Variants in NR2C2 observed in about 807,000 individuals in gnomAD.
NR2C2 encodes the protein Nuclear hormone receptor TR4.
NR2C2 carries 6 observed loss-of-function variants against 62.9 expected under a neutral mutation model. The observed-to-expected ratio is 0.10, with a 90% CI of 0.05 to 0.19. The LOEUF (loss-of-function observed/expected upper bound fraction) is 0.19, where lower values mean the gene tolerates loss of function less well. Among genes scored for constraint, NR2C2 ranks in the 10% least tolerant of loss-of-function variants. The pLI is 1.00. For missense variants in NR2C2, 479 were observed against 762.7 expected (o/e 0.63, Z 4.38); for synonymous variants, 272 against 273.8 (o/e 0.99, Z 0.07).
At chr3:15,010,241 C>G in intron 2 of NR2C2, among the ~76,000 whole-genome samples, 1 of 151,756 alleles carries the variant, frequency 6.6e-6, no homozygotes, top group East Asian at 1.9e-4. Flanking sequence ...AATGGTCACC[C>G]TTGTGTTCCA....
chr3:14,974,916 C>T (rs144513561), intron 1 of NR2C2, among the ~76,000 whole-genome samples: 1 of 152,062 alleles, frequency 6.6e-6, no homozygotes, highest in African/African-American at 2.4e-5. Flanking sequence ...TGTATACTTA[C>T]GTTTTAAGTG....
rs746486112 is a variant in NR2C2, at chr3:15,045,082, CA to C, written c.*2075del. On this transcript the variant is annotated 3_prime_UTR_variant, in exon 14 of 14. Transcript: ENST00000425241. ...CAGTTTCAAAATTAAGACAAAAAAC[CA>C]GCTGAGACAATGGAATTAGGGCAGG... The C allele has an allele frequency of 6.6e-6, 1 of 152,108 alleles. No homozygotes were observed. Among genetic ancestry groups the C allele is most frequent in the Non-Finnish European group, 1.5e-5 (1 of 68,034 alleles). 9.4% of individuals were successfully genotyped at this position (152,108 alleles called of 1,614,324 possible). A position where few individuals can be genotyped will look rare whatever the true frequency, so the allele number is the denominator to read the frequency against.
intron 1 of NR2C2, among the ~76,000 whole-genome samples, chr3:14,988,176 C>G (rs1293523599): frequency 6.6e-6 from 1 of 152,258 alleles, no homozygotes; most frequent in African/African-American, 2.4e-5. Context: ...CAGAATCACA[C>G]TGCAGAGCCA....
At chr3:14,970,277 TG>T (rs1411954493) in intron 1 of NR2C2, among the ~76,000 whole-genome samples, 6 of 21,796 alleles carry the variant, frequency 2.8e-4, no homozygotes, top group Admixed American at 2.5e-3. Context: ...GGGTGGGGGG[TG>T]GGGGGGTGGT....
Position 15,024,215 on chromosome 3 carries a change from T to C in NR2C2, c.798+7T>C. The C allele has an allele frequency of 6.3e-7, 1 of 1,586,610 alleles. No homozygotes were observed. ...CCTGGCCACGGATTCTAAGGTGACG[T>C]TCTCTACTCATGCTCTCTCTCATCC... On this transcript the variant is annotated splice_region_variant and intron_variant, in intron 7 of 13. Transcript: ENST00000425241.
chr3:15,019,840 A>G (rs1290097918), intron 4 of NR2C2, among the ~76,000 whole-genome samples: 5 of 152,210 alleles, frequency 3.3e-5, no homozygotes, highest in African/African-American at 7.2e-5. Context: ...CTGGTGTTCT[A>G]TTGCACTGTA....
rs1575057101 is a variant in NR2C2 at position 15,045,305 on chromosome 3, A to C, written c.*2297A>C. The C allele has an allele frequency of 6.6e-6, 1 of 152,656 alleles. No individual in the cohort carries two copies. The allele number at this position is 152,656 out of a possible 1,614,324, so 9.5% of individuals were successfully genotyped here. On this transcript the variant is annotated 3_prime_UTR_variant, in exon 14 of 14. Transcript: ENST00000425241. ...TCTTGGTGTTGGTGAAAAGGTCTCCACCAGCCCCTCCTCTCATTCCCAGGT... is the reference window on the plus strand; with the variant it reads ...TCTTGGTGTTGGTGAAAAGGTCTCCCCCAGCCCCTCCTCTCATTCCCAGGT...
intron 1 of NR2C2, among the ~76,000 whole-genome samples, chr3:14,983,964 C>G (rs1388696892): frequency 6.6e-6 from 1 of 152,182 alleles, no homozygotes; most frequent in Non-Finnish European, 1.5e-5. Flanking sequence ...TCTTGGCTCA[C>G]TGCAACCTCC....
intron 1 of NR2C2, among the ~76,000 whole-genome samples, chr3:14,989,343 G>T (rs921000145): frequency 3.3e-5 from 5 of 152,178 alleles, no homozygotes; most frequent in African/African-American, 7.2e-5. Context: ...TCTGAGTCCA[G>T]AACTCAATCT....
intron 13 of NR2C2, among the ~76,000 whole-genome samples, chr3:15,039,972 A>C (rs2042209187): frequency 6.6e-6 from 1 of 151,634 alleles, no homozygotes; most frequent in Non-Finnish European, 1.5e-5. Context: ...AAGATGGTGA[A>C]ACCCCGTCTC....
intron 1 of NR2C2, among the ~76,000 whole-genome samples, chr3:14,989,970 C>T (rs2040623563): frequency 1.4e-5 from 2 of 146,750 alleles, no homozygotes; most frequent in Non-Finnish European, 3.0e-5. Context: ...GGTGTGGTGG[C>T]ACATACCTGT....
intron 1 of NR2C2, among the ~76,000 whole-genome samples, chr3:15,002,833 T>A (rs1196742844): frequency 6.6e-6 from 1 of 151,182 alleles, no homozygotes; most frequent in African/African-American, 2.4e-5. Context: ...TAATTTTGTA[T>A]TTTTAGTAGA....
chr3:14,987,013 T>G (rs1420367760), intron 1 of NR2C2, among the ~76,000 whole-genome samples: 1 of 152,242 alleles, frequency 6.6e-6, no homozygotes, highest in African/African-American at 2.4e-5. Flanking sequence ...CACAGTAGAC[T>G]TTTATACCTC....
intron 1 of NR2C2, among the ~76,000 whole-genome samples, chr3:14,981,309 T>C (rs2040360273): frequency 6.6e-6 from 1 of 151,606 alleles, no homozygotes; most frequent in Admixed American, 6.6e-5. Flanking sequence ...TCTATGAAAA[T>C]ATTAAAAAGT....
intron 1 of NR2C2, among the ~76,000 whole-genome samples, chr3:15,000,815 T>G (rs907601981): frequency 1.8e-5 from 1 of 56,848 alleles, no homozygotes; most frequent in Non-Finnish European, 3.9e-5. Context: ...TTTATTTAGG[T>G]TTTTTTTTTT....
intron 1 of NR2C2, among the ~76,000 whole-genome samples, chr3:14,971,810 CTTTT>C (rs533448715): frequency 7.4e-6 from 1 of 135,460 alleles, no homozygotes; most frequent in Non-Finnish European, 1.6e-5. Context: ...TTTCTTTTTT[CTTTT>C]TTTTTTTTTT....
intron 1 of NR2C2, among the ~76,000 whole-genome samples, chr3:14,958,839 G>T (rs1193814850): frequency 6.6e-6 from 1 of 152,176 alleles, no homozygotes; most frequent in African/African-American, 2.4e-5. Context: ...AGCTGGGCAT[G>T]GTGGCGCATG....
At chr3:14,994,107 G>C (rs578221750) in intron 1 of NR2C2, among the ~76,000 whole-genome samples, 1 of 152,150 alleles carries the variant, frequency 6.6e-6, no homozygotes, top group African/African-American at 2.4e-5. Context: ...TAATGACATA[G>C]AAAACTTTCT....
intron 10 of NR2C2, among the ~76,000 whole-genome samples, chr3:15,033,150 T>G (rs970580174): frequency 5.3e-5 from 8 of 152,218 alleles, no homozygotes; most frequent in African/African-American, 1.9e-4. Flanking sequence ...ATGAGAGTCA[T>G]TGCATATTGC....
Sources: gnomAD v4.1 joint callset for allele counts (sites outside exome capture counted in the v4.1 genomes callset) on GRCh38, gnomAD v4.1.1 for gene constraint, MANE v1.5 for transcripts, NCBI Gene and HGNC (gene_info 2026-07-23, HGNC 2026-07-21) for gene names.